PCLO: variants seen among roughly 807,000 people sequenced by gnomAD.
The protein encoded by PCLO is protein piccolo.
A neutral mutation model predicts 427.5 loss-of-function variants in PCLO; 82 were observed. The observed-to-expected ratio is 0.19, with a 90% CI of 0.16 to 0.23. The LOEUF (loss-of-function observed/expected upper bound fraction) is 0.23. Ranked by LOEUF, PCLO falls within the 10% of genes least tolerant of loss-of-function variation. The pLI is 1.00. For missense variants in PCLO, 6,239 were observed against 6,115.9 expected, an observed-to-expected ratio of 1.02 and a Z score of -0.67; for synonymous variants, 2,357 against 2,155.4, an observed-to-expected ratio of 1.09 and a Z score of -2.59.
intron 4 of PCLO, among the ~76,000 whole-genome samples, chr7:82,963,156 G>A (rs1795690530): frequency 6.6e-6 from 1 of 151,936 alleles, no homozygotes; most frequent in African/African-American, 2.4e-5. Context: ...TGTGGAAACA[G>A]CTCTTTGAAG....
chr7:83,050,599 G>T (rs1789227275), intron 3 of PCLO, among the ~76,000 whole-genome samples: 1 of 151,882 alleles, frequency 6.6e-6, no homozygotes, highest in Admixed American at 6.6e-5. Context: ...ACAACCAATT[G>T]TTGGATTTAT....
rs1554382433 is a variant in PCLO, at chr7:83,038,053, T to TATAATATATATTTTTA, written c.3301-71567_3301-71566insTAAAAATATATATTAT. 6.7e-4 allele frequency among the ~76,000 whole-genome samples: 30 copies of TATAATATATATTTTTA among 44,768 alleles called. 1 individual carries two copies. The highest frequency in any genetic ancestry group is 3.1e-3 in the African/African-American group (27 of 8,810). 29.4% of individuals were successfully genotyped at this position (44,768 alleles called of 152,430 possible). A position where few individuals can be genotyped will look rare whatever the true frequency, so the allele number is the denominator to read the frequency against. On this transcript the variant is annotated intron_variant, in intron 3 of 24. Coordinates refer to ENST00000333891, the MANE Select transcript of PCLO (RefSeq NM_033026.6). ...TATTTATATATTTATATATATATCTTTATATATATATTTATATATTTATAT... is the reference window on the plus strand; with the variant it reads ...TATTTATATATTTATATATATATCTTATAATATATATTTTTATATATATATATTTATATATTTATAT...
chr7:82,926,200 T>TA (rs780982771), intron 6 of PCLO, among the ~76,000 whole-genome samples: 34 of 152,150 alleles, frequency 2.2e-4, no homozygotes, highest in Non-Finnish European at 3.4e-4. Flanking sequence ...ATTCTTCAAT[T>TA]AGAGTATTGT....
chr7:83,065,766 G>A (rs1789655220), intron 3 of PCLO, among the ~76,000 whole-genome samples: 1 of 151,946 alleles, frequency 6.6e-6, no homozygotes, highest in African/African-American at 2.4e-5. Context: ...TCTTTCCTGT[G>A]CCCCAGCTAA....
intron 10 of PCLO, among the ~76,000 whole-genome samples, chr7:82,863,372 AATT>A (rs1210984085): frequency 6.6e-6 from 1 of 151,980 alleles, no homozygotes; most frequent in Admixed American, 6.6e-5. Flanking sequence ...AAAGAAATAA[AATT>A]ATGTGTCAAG....
intron 16 of PCLO, 118 bp downstream of exon 16, chr7:82,835,547 CAT>C: frequency 9.9e-6 from 7 of 709,196 alleles, no homozygotes; most frequent in Non-Finnish European, 1.7e-5. Context: ...TAGATACAAA[CAT>C]GTAGAAAAAT....
chr7:82,794,474 T>G (rs1298627584), intron 22 of PCLO, among the ~76,000 whole-genome samples: 2 of 103,184 alleles, frequency 1.9e-5, no homozygotes, highest in East Asian at 2.7e-4. Flanking sequence ...TTTTTTTTTT[T>G]TTTTTTTTTT....
At chr7:82,779,071 C>G (rs1310320436) in intron 22 of PCLO, among the ~76,000 whole-genome samples, 1 of 152,060 alleles carries the variant, frequency 6.6e-6, no homozygotes, top group African/African-American at 2.4e-5. Flanking sequence ...ATCTTTATGA[C>G]ATACTGTATT....
intron 10 of PCLO, among the ~76,000 whole-genome samples, chr7:82,871,441 T>G (rs911038308): frequency 6.6e-6 from 1 of 151,860 alleles, no homozygotes; most frequent in Non-Finnish European, 1.5e-5. Context: ...AGCCGTTACC[T>G]CATGTTGGAA....
At chr7:83,104,826 G>GA (rs1346017605) in intron 3 of PCLO, among the ~76,000 whole-genome samples, 2 of 152,106 alleles carry the variant, frequency 1.3e-5, no homozygotes, top group Non-Finnish European at 2.9e-5. Context: ...CAAAGACCTG[G>GA]AAAAAGTCTT....
chr7:82,975,367 T>G (rs1188972328), intron 3 of PCLO, among the ~76,000 whole-genome samples: 3 of 152,138 alleles, frequency 2.0e-5, no homozygotes, highest in Non-Finnish European at 2.9e-5. Flanking sequence ...ATCAATCCCC[T>G]CACTTATAAA....
intron 15 of PCLO, 99 bp from the exon 16 acceptor site, chr7:82,835,792 A>ACTTAT: frequency 1.1e-6 from 1 of 886,328 alleles, no homozygotes; most frequent in Non-Finnish European, 1.8e-6. Flanking sequence ...GAAAACATGA[A>ACTTAT]AATAATAACT....
chr7:83,090,079 CG>C (rs1790340148), intron 3 of PCLO, among the ~76,000 whole-genome samples: 1 of 152,062 alleles, frequency 6.6e-6, no homozygotes, highest in African/African-American at 2.4e-5. Flanking sequence ...CCGAGGTGGA[CG>C]GATCACGAGG....
intron 15 of PCLO, among the ~76,000 whole-genome samples, chr7:82,837,153 C>G (rs959974489): frequency 4.6e-5 from 7 of 151,940 alleles, no homozygotes; most frequent in African/African-American, 7.2e-5. Flanking sequence ...GAAATATATA[C>G]TAAAATATTT....
At chr7:83,041,063 A>T (rs912906346) in intron 3 of PCLO, among the ~76,000 whole-genome samples, 1 of 152,214 alleles carries the variant, frequency 6.6e-6, no homozygotes, top group Non-Finnish European at 1.5e-5. Flanking sequence ...TTGTCTTTTA[A>T]GAATTATAAT....
At chr7:82,827,024 T>C (rs896282785) in intron 17 of PCLO, among the ~76,000 whole-genome samples, 1 of 152,074 alleles carries the variant, frequency 6.6e-6, no homozygotes, top group East Asian at 1.9e-4. Flanking sequence ...GATGAAGTAT[T>C]GGATTAAATG....
chr7:82,949,425 C>G, intron 6 of PCLO, 51 bp downstream of exon 6: 1 of 1,382,346 alleles, frequency 7.2e-7, no homozygotes, highest in Non-Finnish European at 9.9e-7. Flanking sequence ...TCTGAAAACA[C>G]ATGATTAATA....
intron 3 of PCLO, among the ~76,000 whole-genome samples, chr7:83,028,738 T>C (rs1309067150): frequency 6.6e-6 from 1 of 151,174 alleles, no homozygotes; most frequent in Admixed American, 6.6e-5. Flanking sequence ...CAAAACAGCA[T>C]GGTACTGGTA....
chr7:82,863,262 C>A (rs1793010327), intron 10 of PCLO, among the ~76,000 whole-genome samples: 1 of 151,924 alleles, frequency 6.6e-6, no homozygotes, highest in Admixed American at 6.6e-5. Flanking sequence ...TGCACAATTT[C>A]TTTCATAATT....
Sources: gnomAD v4.1 joint callset for allele counts (sites outside exome capture counted in the v4.1 genomes callset) on GRCh38, gnomAD v4.1.1 for gene constraint, MANE v1.5 for transcripts, NCBI Gene and HGNC (gene_info 2026-07-23, HGNC 2026-07-21) for gene names.